PCDHGA1: variants seen among roughly 807,000 people sequenced by gnomAD.
The protein encoded by PCDHGA1 is protocadherin gamma subfamily A, 1, also known as protocadherin gamma-A1.
A neutral mutation model predicts 58.0 loss-of-function variants in PCDHGA1; 32 were observed. That is an observed-to-expected ratio of 0.55 (90% confidence interval 0.42 to 0.74). The LOEUF (loss-of-function observed/expected upper bound fraction) is 0.74. Among genes scored for constraint, PCDHGA1 ranks in the 30% least tolerant of loss-of-function variants. The pLI is 0.00. For synonymous variants in PCDHGA1, 498 were observed against 501.1 expected (o/e 0.99, Z 0.08); for missense variants, 1,205 against 1,182.3 (o/e 1.02, Z -0.28).
intron 1 of PCDHGA1, chr5:141,394,247 C>A (rs1414649061): frequency 1.2e-6 from 2 of 1,613,854 alleles, no homozygotes; most frequent in African/African-American, 1.3e-5. Flanking sequence ...CTGCACACGA[C>A]CCCGACAGCC....
chr5:141,364,815 TG>T (rs777714340), intron 1 of PCDHGA1: 64 of 1,613,880 alleles, frequency 4.0e-5, no homozygotes, highest in Non-Finnish European at 2.5e-6. Flanking sequence ...GATGCGGATG[TG>T]GGTGTGAACT....
chr5:141,476,587 G>A lies in PCDHGA1; in HGVS notation c.2422-18220G>A. ...CTCCGGGGACGCGCTTTCCGCTCGA[G>A]AGCGCGCACGATCCCGATGTGGGAA... On this transcript the variant is annotated intron_variant, in intron 1 of 3. Coordinates refer to ENST00000517417, the MANE Select transcript of PCDHGA1 (RefSeq NM_018912.3). The surrounding 1 kb of genome is among the most constrained non-coding windows in gnomAD (Gnocchi z 7.6). 6.2e-7 allele frequency: 1 copy of A among 1,614,234 alleles called. No homozygotes were observed. The highest frequency in any genetic ancestry group is 1.1e-5 in the South Asian group (1 of 91,086).
chr5:141,436,185 A>G (rs1324749623), intron 1 of PCDHGA1, among the ~76,000 whole-genome samples: 1 of 152,142 alleles, frequency 6.6e-6, no homozygotes, highest in Non-Finnish European at 1.5e-5. Flanking sequence ...ATATAGTCAA[A>G]TAGAAAGAAA....
intron 1 of PCDHGA1, chr5:141,362,032 G>A (rs909384005): frequency 4.3e-6 from 7 of 1,609,448 alleles, no homozygotes; most frequent in Non-Finnish European, 5.9e-6. Flanking sequence ...GCGTGCCTTG[G>A]GCGACAGGGA....
At position 141,432,651 on chromosome 5, in the gene PCDHGA1, C is replaced by A; in HGVS notation, c.2422-62156C>A. 2.5e-6 allele frequency: 4 copies of A among 1,613,824 alleles called. No individual in the cohort carries two copies. The highest frequency in any genetic ancestry group is 1.1e-5 in the South Asian group (1 of 91,058). ...ACGGGCGAGGTGCGCACGGCGCGAG[C>A]CCTGCTGGACAGAGACGCGCTCAAG... On this transcript the variant is annotated intron_variant, in intron 1 of 3. Coordinates refer to ENST00000517417, the MANE Select transcript of PCDHGA1 (RefSeq NM_018912.3). This position sits in a 1 kb window ranked among gnomAD's most constrained non-coding sequence, Gnocchi z 6.0.
At position 141,431,374 on chromosome 5, in the gene PCDHGA1, G is replaced by T. The variant is rs1561851775; in HGVS notation, c.2422-63433G>T. On this transcript the variant is annotated intron_variant, in intron 1 of 3. Coordinates refer to ENST00000517417, the MANE Select transcript of PCDHGA1 (RefSeq NM_018912.3). The surrounding 1 kb of genome is among the most constrained non-coding windows in gnomAD (Gnocchi z 4.8). ...AACGCGCCCTGGACCGCGAAGAAAA[G>T]GCTGCTCACCACCTGGTCCTTACGG... 1.9e-6 allele frequency: 3 copies of T among 1,613,862 alleles called. No individual in the cohort carries two copies. Among genetic ancestry groups the T allele is most frequent in the Non-Finnish European group, 2.5e-6 (3 of 1,180,044 alleles).
chr5:141,446,191 T>C (rs2098492956), intron 1 of PCDHGA1, among the ~76,000 whole-genome samples: 1 of 152,206 alleles, frequency 6.6e-6, no homozygotes, highest in Non-Finnish European at 1.5e-5. Flanking sequence ...TGTTTATTAT[T>C]ATATTCCTAG....
rs377580446 is a variant in PCDHGA1 at position 141,350,582 on chromosome 5, G to A, written c.2421+17477G>A. The A allele has an allele frequency of 6.2e-6, 10 of 1,614,040 alleles. No homozygotes were observed. Among genetic ancestry groups the A allele is most frequent in the Non-Finnish European group, 8.5e-6 (10 of 1,179,890 alleles). On this transcript the variant is annotated intron_variant, in intron 1 of 3. Transcript: ENST00000517417. Reference sequence around the variant, plus strand: ...TGCACTAGAATTCGAAACGGTCGCTGAAAACCCAATGAATGTTTTCCACGT... The same window carrying A: ...TGCACTAGAATTCGAAACGGTCGCTAAAAACCCAATGAATGTTTTCCACGT...
intron 1 of PCDHGA1, chr5:141,339,088 C>T (rs766470458): frequency 9.3e-6 from 15 of 1,614,200 alleles, no homozygotes; most frequent in Non-Finnish European, 1.3e-5. Flanking sequence ...GGGAAGAGAT[C>T]GACAGAGGCT....
chr5:141,415,102 A>C, intron 1 of PCDHGA1: 1 of 1,613,550 alleles, frequency 6.2e-7, no homozygotes. Flanking sequence ...AGACGCGCTC[A>C]AGCAAAGCCT....
Position 141,494,842 on chromosome 5 carries a change from G to A in PCDHGA1, c.2457G>A (p.Gln819=). 1 of 1,614,116 alleles carries A rather than the reference G, an allele frequency of 6.2e-7. No homozygotes were observed. Among genetic ancestry groups the A allele is most frequent in the Non-Finnish European group, 8.5e-7 (1 of 1,180,018 alleles). The change falls in exon 2 of 4, where the codon CAG becomes CAA. Residue 819 remains glutamine, a synonymous_variant. Coordinates refer to ENST00000517417, the MANE Select transcript of PCDHGA1 (RefSeq NM_018912.3). ...APPNTDWRFS[Q]AQRPGTSGSQ... is the part of the protein sequence containing the mutation. ...CCAACACGGACTGGCGTTTCTCTCA[G>A]GCCCAGAGACCCGGCACCAGCGGGT... is the stretch of plus-strand genomic sequence containing the variant.
intron 1 of PCDHGA1, among the ~76,000 whole-genome samples, chr5:141,457,912 C>T (rs991917175): frequency 1.3e-5 from 2 of 152,120 alleles, no homozygotes; most frequent in African/African-American, 4.8e-5. Context: ...GGTGTGAGGC[C>T]AGTTCTCCCC....
chr5:141,389,747 G>A (rs766506538), intron 1 of PCDHGA1: 38 of 1,612,722 alleles, frequency 2.4e-5, no homozygotes, highest in Admixed American at 2.2e-4. Context: ...GGCTGCGCAC[G>A]GGCGAAGTGC....
chr5:141,343,825 G>T, intron 1 of PCDHGA1: 1 of 490,082 alleles, frequency 2.0e-6, no homozygotes. Context: ...TGGAGAACTA[G>T]TCCACCATTT....
intron 1 of PCDHGA1, among the ~76,000 whole-genome samples, chr5:141,425,003 T>C (rs75915888): frequency 0.036 from 5,431 of 152,274 alleles, 181 homozygotes; most frequent in African/African-American, 0.084. Context: ...AGTTTAGTTT[T>C]CTCATTTAGG....
In PCDHGA1 at chr5:141,490,211, ACCAGGGACAG is replaced by A. The variant is rs1259297201; in HGVS notation, c.2422-4593_2422-4584del. 1 of 1,614,212 alleles carries A rather than the reference ACCAGGGACAG, an allele frequency of 6.2e-7. No individual in the cohort carries two copies. ...TATGAAATTCATGCAAGAGCCCGTG[ACCAGGGACAG>A]CCTGCCATGGAGGGCCACTGTGTGA... is the stretch of plus-strand genomic sequence containing the variant. On this transcript the variant is annotated intron_variant, in intron 1 of 3. Transcript: ENST00000517417. The surrounding 1 kb of genome is among the most constrained non-coding windows in gnomAD (Gnocchi z 5.4).
At chr5:141,340,368 C>G (rs1756937766) in intron 1 of PCDHGA1, 1 of 1,614,050 alleles carries the variant, frequency 6.2e-7, no homozygotes, top group Non-Finnish European at 8.5e-7. Context: ...GAAAACAACC[C>G]CAGAGGAGCC....
intron 1 of PCDHGA1, chr5:141,419,566 C>G: frequency 3.1e-6 from 5 of 1,611,792 alleles, no homozygotes; most frequent in Non-Finnish European, 2.5e-6. Context: ...CGCTGGGTCC[C>G]GACGGCTCCG....
At chr5:141,393,736 A>G in intron 1 of PCDHGA1, 1 of 1,613,892 alleles carries the variant, frequency 6.2e-7, no homozygotes, top group Non-Finnish European at 8.5e-7. Flanking sequence ...AAAAGTCTAG[A>G]TTATGAAGAA....
Sources: allele counts gnomAD v4.1 joint callset (sites outside exome capture counted in the v4.1 genomes callset), GRCh38; gene constraint gnomAD v4.1.1; non-coding constraint Gnocchi (gnomAD v3.1); transcripts MANE v1.5; gene names NCBI Gene and HGNC (gene_info 2026-07-23, HGNC 2026-07-21).